The following IGSF5 variants were observed in gnomAD, a reference collection of about 807,000 sequenced individuals.
The protein encoded by IGSF5 is immunoglobulin superfamily 5 like.
Under a neutral mutation model 39.4 loss-of-function variants are expected in IGSF5, and 41 were observed. The ratio of observed to expected loss-of-function variants is 1.04; its 90% CI spans 0.81 to 1.35. The LOEUF (loss-of-function observed/expected upper bound fraction) is 1.35. Ranked by LOEUF, IGSF5 falls within the 40% of genes most tolerant of loss-of-function variation. The probability of loss-of-function intolerance (pLI) is 0.00; values close to 1 mark genes in which losing one functional copy is unlikely to be tolerated. For synonymous variants in IGSF5, 183 were observed against 175.3 expected (o/e 1.04, Z -0.34); for missense variants, 487 against 494.6 (o/e 0.98, Z 0.15).
chr21:39,745,261 G>T lies in IGSF5; in HGVS notation c.-249G>T. The T allele has an allele frequency of 2.9e-6, 1 of 343,614 alleles. No individual in the cohort carries two copies. The highest frequency in any genetic ancestry group is 4.0e-5 in the South Asian group (1 of 25,296). 21.3% of individuals were successfully genotyped at this position (343,614 alleles called of 1,614,324 possible). ...GGTGGGGAATGGGTCCTGCATAACTGCTCATGTCAAGAGCTGTATACCTAA... is the reference window on the plus strand; with the variant it reads ...GGTGGGGAATGGGTCCTGCATAACTTCTCATGTCAAGAGCTGTATACCTAA... On this transcript the variant is annotated 5_prime_UTR_variant, in exon 1 of 9. Coordinates refer to ENST00000380588, the MANE Select transcript of IGSF5 (RefSeq NM_001080444.2).
chr21:39,755,924 T>G, intron 2 of IGSF5, among the ~76,000 whole-genome samples: 1 of 149,008 alleles, frequency 6.7e-6, no homozygotes, highest in African/African-American at 2.5e-5. Context: ...GCCAACATGG[T>G]GAAACTCCAT....
intron 3 of IGSF5, 124 bp from the exon 4 acceptor site, chr21:39,770,792 G>C (rs1266935773): frequency 1.5e-6 from 1 of 654,864 alleles, no homozygotes; most frequent in African/African-American, 1.9e-5. Flanking sequence ...TTGGGCTTGG[G>C]AAAATAGGTC....
At chr21:39,721,801 A>AT in the IGSF5 span, among the ~76,000 whole-genome samples, 2 of 151,296 alleles carry the variant, frequency 1.3e-5, no homozygotes, top group African/African-American at 4.9e-5. Flanking sequence ...CCATCCACCC[A>AT]TCCATCCATC....
In IGSF5 at chr21:39,779,862, A is replaced by T. The variant is rs571926955; in HGVS notation, c.934+557A>T. Among the ~76,000 whole-genome samples the T allele has an allele frequency of 3.9e-5, 6 of 152,304 alleles. No individual in the cohort carries two copies. In the South Asian group the frequency reaches 1.2e-3, roughly 32 times the overall value. ...GAATCTAAAAAAGCCAAGCTCATGG[A>T]AACAGGAGGTAGAATGGTGGGTGTT... On this transcript the variant is annotated intron_variant, in intron 5 of 8. Transcript: ENST00000380588.
At chr21:39,768,045 A>G (rs569658418) in intron 3 of IGSF5, among the ~76,000 whole-genome samples, 2 of 152,320 alleles carry the variant, frequency 1.3e-5, no homozygotes, top group East Asian at 3.9e-4. Flanking sequence ...CAAGTCTACA[A>G]ATTTGTCTGA....
intron 2 of IGSF5, among the ~76,000 whole-genome samples, chr21:39,758,585 G>T (rs968754639): frequency 6.6e-6 from 1 of 152,196 alleles, no homozygotes. Flanking sequence ...GTTCTGTTGT[G>T]TGTGACACTT....
At chr21:39,773,094 C>A (rs2080122855) in intron 4 of IGSF5, among the ~76,000 whole-genome samples, 1 of 151,996 alleles carries the variant, frequency 6.6e-6, no homozygotes, top group South Asian at 2.1e-4. Flanking sequence ...GCCTAGTACC[C>A]ATTAGTTATT....
chr21:39,738,770 G>A, the IGSF5 span, among the ~76,000 whole-genome samples: 38 of 152,128 alleles, frequency 2.5e-4, no homozygotes, highest in South Asian at 1.0e-3. The surrounding 1 kb of genome is among the most constrained non-coding windows in gnomAD (Gnocchi z 6.4). Context: ...GACTCATCTC[G>A]GTGCTGTCTC....
At chr21:39,721,673 CCCTTCCTTCCTTCCTTCCTTCCTTCCTT>C in the IGSF5 span, among the ~76,000 whole-genome samples, 3 of 140,830 alleles carry the variant, frequency 2.1e-5, no homozygotes, top group Non-Finnish European at 4.6e-5. Flanking sequence ...GGCCATCTGT[CCCTTCCTTCCTTCCTTCCTTCCTTCCTT>C]CCTTCCTTCC....
intron 8 of IGSF5, 67 bp downstream of exon 8, chr21:39,793,680 G>A: frequency 7.8e-7 from 1 of 1,282,590 alleles, no homozygotes. Context: ...CCTTGTTGTG[G>A]GTGATTATAA....
chr21:39,778,559 G>A (rs928307102), intron 4 of IGSF5, among the ~76,000 whole-genome samples: 9 of 152,186 alleles, frequency 5.9e-5, no homozygotes, highest in Non-Finnish European at 1.2e-4. Context: ...TTAATTTGAG[G>A]ATCGGGGAGC....
intron 3 of IGSF5, among the ~76,000 whole-genome samples, chr21:39,768,060 C>A (rs992086387): frequency 6.6e-6 from 1 of 152,162 alleles, no homozygotes; most frequent in Non-Finnish European, 1.5e-5. Flanking sequence ...GTCTGAATCC[C>A]GCTGACTTTT....
chr21:39,742,511 G>T (rs541243144), upstream of IGSF5, among the ~76,000 whole-genome samples: 1 of 152,212 alleles, frequency 6.6e-6, no homozygotes, highest in African/African-American at 2.4e-5. Context: ...CTTGCCCTGG[G>T]CACCCTCAGC....
At chr21:39,767,129 A>G (rs2080091062) in intron 3 of IGSF5, among the ~76,000 whole-genome samples, 1 of 152,184 alleles carries the variant, frequency 6.6e-6, no homozygotes, top group African/African-American at 2.4e-5. Flanking sequence ...CCAGATTCTT[A>G]TTATGATAAT....
At chr21:39,788,404 C>T (rs190442016) in intron 6 of IGSF5, among the ~76,000 whole-genome samples, 153 of 152,318 alleles carry the variant, frequency 1.0e-3, no homozygotes, top group African/African-American at 3.6e-3. Flanking sequence ...GTTGCCACTG[C>T]CTACCTTTGA....
chr21:39,763,964 G>A (rs1189239379), intron 2 of IGSF5, among the ~76,000 whole-genome samples: 4 of 152,114 alleles, frequency 2.6e-5, no homozygotes, highest in African/African-American at 9.7e-5. Flanking sequence ...CCTAATCTGA[G>A]TTGTGTTTTA....
intron 8 of IGSF5, among the ~76,000 whole-genome samples, chr21:39,797,218 C>CTTTTTTT (rs11385437): frequency 2.4e-5 from 3 of 123,812 alleles, no homozygotes; most frequent in Non-Finnish European, 1.6e-5. Context: ...AGCTCCTTTG[C>CTTTTTTT]TTTTTTTTTT....
intron 5 of IGSF5, among the ~76,000 whole-genome samples, chr21:39,781,934 A>G (rs2080172814): frequency 6.6e-6 from 1 of 152,098 alleles, no homozygotes. Flanking sequence ...ATTTCCTTAT[A>G]TGGAAGTTTT....
chr21:39,746,183 T>C, intron 1 of IGSF5, 33 bp from the exon 2 acceptor site: 2 of 701,656 alleles, frequency 2.9e-6, no homozygotes, highest in South Asian at 1.5e-5. Context: ...TTTAGCCTGA[T>C]TGGAAGTGGC....
Sources: gnomAD v4.1 joint callset for allele counts (sites outside exome capture counted in the v4.1 genomes callset) on GRCh38, gnomAD v4.1.1 for gene constraint, Gnocchi (gnomAD v3.1) non-coding constraint, MANE v1.5 for transcripts, NCBI Gene and HGNC (gene_info 2026-07-23, HGNC 2026-07-21) for gene names.